The following SLAMF9 variants were observed in gnomAD, a reference collection of about 807,000 sequenced individuals.
SLAMF9 encodes the protein SLAM family member 9, also known as CD2 family member 10.
SLAMF9 carries 25 observed loss-of-function variants against 30.4 expected under a neutral mutation model. That is an observed-to-expected ratio of 0.82 (90% CI 0.60 to 1.15). SLAMF9 has a LOEUF of 1.15. Among genes scored for constraint, SLAMF9 ranks in the 50% most tolerant of loss-of-function variants. The probability of loss-of-function intolerance (pLI) is 0.00; values close to 1 mark genes in which losing one functional copy is unlikely to be tolerated. For synonymous variants in SLAMF9, 129 were observed against 127.2 expected, an observed-to-expected ratio of 1.01 and a Z score of -0.09; for missense variants, 344 against 346.1, an observed-to-expected ratio of 0.99 and a Z score of 0.05.
upstream of SLAMF9, chr1:159,954,397 A>G: frequency 2.8e-6 from 1 of 351,522 alleles, no homozygotes; most frequent in Non-Finnish European, 5.1e-6. Flanking sequence ...GCCATCCACC[A>G]AACTCAGCCC....
At chr1:159,973,711 G>A in the SLAMF9 span, 1 of 1,239,126 alleles carries the variant, frequency 8.1e-7, no homozygotes, top group East Asian at 2.4e-5. Flanking sequence ...CAGAGACAGG[G>A]GTCCTGTCCA....
At chr1:159,954,483 A>G (rs1651881475), upstream of SLAMF9, among the ~76,000 whole-genome samples, 1 of 151,918 alleles carries the variant, frequency 6.6e-6, no homozygotes, top group Admixed American at 6.6e-5. Context: ...CATGCCCCGA[A>G]CTCGTAGAAC....
the SLAMF9 span, among the ~76,000 whole-genome samples, chr1:159,963,472 C>T: frequency 2.6e-5 from 4 of 152,164 alleles, no homozygotes; most frequent in South Asian, 8.3e-4. Context: ...ACCTGTTCAC[C>T]AGATCAGCCT....
the SLAMF9 span, chr1:159,973,413 G>C: frequency 2.0e-6 from 1 of 510,392 alleles, no homozygotes; most frequent in East Asian, 3.3e-5. Context: ...TCATCACCAA[G>C]ACCTGTCCTC....
At chr1:159,953,262 C>A in intron 2 of SLAMF9, 47 bp downstream of exon 2, 1 of 1,515,262 alleles carries the variant, frequency 6.6e-7, no homozygotes, top group Non-Finnish European at 9.0e-7. Context: ...GTGAGAAGCT[C>A]AGAAGAGCCC....
chr1:159,970,764 C>T, the SLAMF9 span, among the ~76,000 whole-genome samples: 7 of 152,306 alleles, frequency 4.6e-5, no homozygotes, highest in South Asian at 1.2e-3. Context: ...GCCCTCACTT[C>T]TGATACCAAC....
the SLAMF9 span, chr1:159,976,935 A>G: frequency 1.9e-4 from 1 of 5,148 alleles, no homozygotes; most frequent in African/African-American, 2.6e-4. Flanking sequence ...AAAGAAAGAA[A>G]GAAAGAAAGA....
the SLAMF9 span, chr1:159,976,572 A>G: frequency 6.6e-6 from 1 of 152,194 alleles, no homozygotes; most frequent in African/African-American, 2.4e-5. Flanking sequence ...TGCATTTACT[A>G]TATTCACATA....
At chr1:159,969,406 C>T in the SLAMF9 span, among the ~76,000 whole-genome samples, 53 of 152,304 alleles carry the variant, frequency 3.5e-4, no homozygotes, top group African/African-American at 1.2e-3. Context: ...TCCATGCAAC[C>T]TTTCCTCAAT....
the SLAMF9 span, among the ~76,000 whole-genome samples, chr1:159,966,698 C>T: frequency 6.6e-6 from 1 of 152,100 alleles, no homozygotes; most frequent in Non-Finnish European, 1.5e-5. Flanking sequence ...TTTTAATTTG[C>T]ATTTACTTAG....
At chr1:159,970,643 C>G in the SLAMF9 span, among the ~76,000 whole-genome samples, 1 of 152,200 alleles carries the variant, frequency 6.6e-6, no homozygotes, top group African/African-American at 2.4e-5. Context: ...TTTCTTCTAA[C>G]CTCATCTTCC....
chr1:159,971,596 G>A, the SLAMF9 span, among the ~76,000 whole-genome samples: 1 of 152,158 alleles, frequency 6.6e-6, no homozygotes, highest in Non-Finnish European at 1.5e-5. Flanking sequence ...TTAGTGAGGT[G>A]AAGAGAGATA....
chr1:159,953,282 G>A, intron 2 of SLAMF9, 27 bp downstream of exon 2: 1 of 1,570,150 alleles, frequency 6.4e-7, no homozygotes, highest in Non-Finnish European at 8.7e-7. Flanking sequence ...CCCAAAACCA[G>A]CTTTATGGTT....
chr1:159,973,215 G>A, the SLAMF9 span: 3 of 1,281,788 alleles, frequency 2.3e-6, no homozygotes, highest in East Asian at 7.0e-5. Flanking sequence ...ACATCTCAGG[G>A]TAACCAGGCT....
At chr1:159,972,794 G>A in the SLAMF9 span, 4 of 738,240 alleles carry the variant, frequency 5.4e-6, no homozygotes, top group East Asian at 7.1e-5. Context: ...CCACAGCAGG[G>A]TCAGCGGGAC....
upstream of SLAMF9, among the ~76,000 whole-genome samples, chr1:159,959,157 TG>T (rs1482182665): frequency 6.6e-6 from 1 of 152,144 alleles, no homozygotes; most frequent in African/African-American, 2.4e-5. Flanking sequence ...ATGGAGAGGT[TG>T]GGGAGGTGTT....
chr1:159,968,403 C>G, the SLAMF9 span, among the ~76,000 whole-genome samples: 4 of 152,174 alleles, frequency 2.6e-5, no homozygotes, highest in Non-Finnish European at 4.4e-5. Context: ...AGAAGGCAAT[C>G]TCATTTTCTC....
chr1:159,982,279 G>A, the SLAMF9 span, among the ~76,000 whole-genome samples: 1 of 152,062 alleles, frequency 6.6e-6, no homozygotes, highest in Non-Finnish European at 1.5e-5. Flanking sequence ...CCCTACCCAA[G>A]GCCCCATCTT....
upstream of SLAMF9, chr1:159,954,288 C>G: frequency 1.4e-6 from 1 of 730,044 alleles, no homozygotes; most frequent in Non-Finnish European, 2.2e-6. Flanking sequence ...AGCCCTCTGA[C>G]GTCCTCTGTC....
Sources: gnomAD v4.1 joint callset for allele counts (sites outside exome capture counted in the v4.1 genomes callset) on GRCh38, gnomAD v4.1.1 for gene constraint, MANE v1.5 for transcripts, NCBI Gene and HGNC (gene_info 2026-07-23, HGNC 2026-07-21) for gene names.